MAPK8IP3: variants seen among roughly 807,000 people sequenced by gnomAD.
The protein encoded by MAPK8IP3 is mitogen-activated protein kinase 8 interacting protein 3, also known as C-Jun-amino-terminal kinase-interacting protein 3.
MAPK8IP3 carries 49 observed loss-of-function variants against 157.8 expected under a neutral mutation model. That is an observed-to-expected ratio of 0.31 (90% CI 0.25 to 0.39). The LOEUF is 0.39. MAPK8IP3 is among the 10% of genes least tolerant of loss of function. The pLI is 1.00. For synonymous variants in MAPK8IP3, 897 were observed against 777.7 expected (o/e 1.15, Z -2.55); for missense variants, 1,478 against 1,889.4 (o/e 0.78, Z 4.04).
intron 8 of MAPK8IP3, among the ~76,000 whole-genome samples, chr16:1,755,241 C>T (rs967291283): frequency 2.6e-5 from 4 of 152,156 alleles, no homozygotes; most frequent in Admixed American, 6.5e-5. Context: ...CCGTGGAAAA[C>T]GGGCAGATGA....
At position 1,729,572 on chromosome 16, in the gene MAPK8IP3, G is replaced by C; in HGVS notation, c.596G>C (p.Gly199Ala). 1 of 1,598,674 alleles carries C rather than the reference G, an allele frequency of 6.3e-7. No individual in the cohort carries two copies. Among genetic ancestry groups the C allele is most frequent in the Non-Finnish European group, 8.5e-7 (1 of 1,170,754 alleles). Residue 199 changes from glycine (G) to alanine (A), a missense_variant, in exon 4 of 32, where the codon GGG (glycine) becomes GCG (alanine). By Grantham distance (60) the Gly-to-Ala change is moderately conservative (BLOSUM62 0). This residue lies in a region of MAPK8IP3 where 315 missense variants were observed against 394.4 expected (regional missense o/e 0.80). Transcript: ENST00000610761. ...GNSQTESSLP[G>A]RSRKERPTSL... Reference sequence around the variant, plus strand: ...AGCCAGACCGAGAGCAGCCTGCCGGGGCGGAGGTACGCGGGGCGCGGCGGG... The same window carrying C: ...AGCCAGACCGAGAGCAGCCTGCCGGCGCGGAGGTACGCGGGGCGCGGCGGG...
intron 4 of MAPK8IP3, among the ~76,000 whole-genome samples, chr16:1,733,130 G>A (rs2039424753): frequency 6.6e-6 from 1 of 152,188 alleles, no homozygotes; most frequent in African/African-American, 2.4e-5. Context: ...GGCAGAGGCA[G>A]GCAGTTTGGC....
chr16:1,767,437 G>C, intron 26 of MAPK8IP3, 127 bp from the exon 27 acceptor site: 1 of 1,501,274 alleles, frequency 6.7e-7, no homozygotes, highest in Non-Finnish European at 9.1e-7. Context: ...GCTCGAACAG[G>C]CGCAAAGCAG....
At position 1,762,387 on chromosome 16, in the gene MAPK8IP3, C is replaced by T; in HGVS notation, c.1576C>T (p.Arg526Trp). The change falls in exon 14 of 32, where the codon CGG (arginine) becomes TGG (tryptophan). Residue 526 changes from arginine to tryptophan, a missense_variant. By Grantham distance (101) the Arg-to-Trp change is moderately radical. Coordinates refer to ENST00000610761, the MANE Select transcript of MAPK8IP3 (RefSeq NM_001318852.2). ...IPMAQRRRFT[R>W]VEMARVLMER... ...CATGGCCCAGCGCCGCCGCTTCACG[C>T]GGGTGGAGATGGCCCGTGTGCTCAT... 1.3e-6 allele frequency: 2 copies of T among 1,592,522 alleles called. No homozygotes were observed. Among genetic ancestry groups the T allele is most frequent in the South Asian group, 1.1e-5 (1 of 88,154 alleles).
In MAPK8IP3 at chr16:1,768,961, C is replaced by A; in HGVS notation, c.*137C>A. The A allele has an allele frequency of 9.7e-7, 1 of 1,030,412 alleles. No individual in the cohort carries two copies. Among genetic ancestry groups the A allele is most frequent in the South Asian group, 1.6e-5 (1 of 64,426 alleles). The allele number at this position is 1,030,412 out of a possible 1,614,324, so 63.8% of individuals were successfully genotyped here. A position where few individuals can be genotyped will look rare whatever the true frequency, so the allele number is the denominator to read the frequency against. On this transcript the variant is annotated 3_prime_UTR_variant, in exon 32 of 32. Coordinates refer to ENST00000610761, the MANE Select transcript of MAPK8IP3 (RefSeq NM_001318852.2). ...CCTGCAGCTTTCACCTGAGTCTGGC[C>A]CCTCCAGCGGGCAGGGAGTGCGGGG... is the stretch of plus-strand genomic sequence containing the variant.
At chr16:1,758,845 A>G in intron 9 of MAPK8IP3, 133 bp from the exon 10 acceptor site, 2 of 889,768 alleles carry the variant, frequency 2.2e-6, no homozygotes, top group Non-Finnish European at 3.7e-6. Context: ...ACCCACCCTA[A>G]CCCAGCAGAC....
intron 4 of MAPK8IP3, among the ~76,000 whole-genome samples, chr16:1,737,326 G>C (rs1487089941): frequency 9.4e-6 from 1 of 106,268 alleles, no homozygotes; most frequent in African/African-American, 4.3e-5. Context: ...CCGTCCGTGT[G>C]AGCATCCGTG....
Position 1,758,961 on chromosome 16 carries a change from C to T in MAPK8IP3, c.1229-17C>T, listed in dbSNP as rs756648374. 3.1e-6 allele frequency: 5 copies of T among 1,614,084 alleles called. No individual in the cohort carries two copies. The highest frequency in any genetic ancestry group is 1.7e-5 in the Admixed American group (1 of 60,016). The stretch of plus-strand genomic sequence containing the variant: ...CCCTGGTTGCCCATCTCCTGTGGGA[C>T]GGGGACGGCTCCCTAGTGCGCGATG... On this transcript the variant is annotated splice_polypyrimidine_tract_variant and intron_variant, in intron 9 of 31. Coordinates refer to ENST00000610761, the MANE Select transcript of MAPK8IP3 (RefSeq NM_001318852.2).
Position 1,768,293 on chromosome 16 carries a change from C to T in MAPK8IP3, c.3657C>T (p.Ser1219=). ...ACAGCAGTGACAGGGCGGCCAGCAG[C>T]TTCATCCCCTACTGCTCCATGGCCC... ...GDDSSDRAAS[S]FIPYCSMAQA... is the part of the protein sequence containing the mutation. Residue 1219 remains serine, a synonymous_variant, in exon 30 of 32, where the codon AGC becomes AGT. Coordinates refer to ENST00000610761, the MANE Select transcript of MAPK8IP3 (RefSeq NM_001318852.2). 6.2e-7 allele frequency: 1 copy of T among 1,610,868 alleles called. No individual in the cohort carries two copies. The highest frequency in any genetic ancestry group is 8.5e-7 in the Non-Finnish European group (1 of 1,179,986).
intron 1 of MAPK8IP3, among the ~76,000 whole-genome samples, chr16:1,720,556 C>T (rs1193532974): frequency 1.3e-5 from 2 of 152,204 alleles, no homozygotes; most frequent in African/African-American, 4.8e-5. Context: ...TACATCTGCT[C>T]TACACACACA....
chr16:1,750,637 AT>A (rs1567186953), intron 8 of MAPK8IP3, among the ~76,000 whole-genome samples: 1 of 149,848 alleles, frequency 6.7e-6, no homozygotes, highest in Non-Finnish European at 1.5e-5. Flanking sequence ...CCTCCCCACC[AT>A]GCTATAATGA....
intron 14 of MAPK8IP3, 48 bp downstream of exon 14, chr16:1,762,529 G>T: frequency 6.2e-7 from 1 of 1,605,868 alleles, no homozygotes; most frequent in Admixed American, 1.7e-5. Flanking sequence ...CATCCCTGAC[G>T]GCAGGACTGC....
intron 8 of MAPK8IP3, chr16:1,752,529 G>A (rs1051535375): frequency 1.4e-4 from 49 of 348,420 alleles, no homozygotes; most frequent in Non-Finnish European, 2.5e-4. Context: ...GATCACCTGC[G>A]CCTAGGAGTT....
intron 5 of MAPK8IP3, 199 bp from the exon 6 acceptor site, chr16:1,746,830 C>T: frequency 1.6e-6 from 1 of 624,536 alleles, no homozygotes; most frequent in South Asian, 2.2e-5. Context: ...GAGTCAGTGG[C>T]CGGATAAGCA....
intron 6 of MAPK8IP3, 51 bp from the exon 7 acceptor site, chr16:1,748,193 G>T: frequency 7.1e-7 from 1 of 1,410,754 alleles, no homozygotes; most frequent in Non-Finnish European, 1.0e-6. Context: ...GAGCAGGGCA[G>T]AGGCTGCCAG....
chr16:1,740,326 G>A (rs1385971421), intron 4 of MAPK8IP3, among the ~76,000 whole-genome samples: 1 of 148,878 alleles, frequency 6.7e-6, no homozygotes, highest in Non-Finnish European at 1.5e-5. Flanking sequence ...CCGTAACCGT[G>A]TAGGCGTCCT....
intron 1 of MAPK8IP3, among the ~76,000 whole-genome samples, chr16:1,712,124 C>CAATCTCGG (rs2037830626): frequency 7.4e-6 from 1 of 135,366 alleles, no homozygotes; most frequent in South Asian, 2.4e-4. Context: ...TACAGTGGCG[C>CAATCTCGG]AATCTCGGCT....
At chr16:1,736,174 G>T (rs1448739811) in intron 4 of MAPK8IP3, among the ~76,000 whole-genome samples, 4 of 134,566 alleles carry the variant, frequency 3.0e-5, no homozygotes, top group African/African-American at 1.1e-4. Context: ...GAGCGTCCGT[G>T]TGAGCGTGTG....
In MAPK8IP3 at chr16:1,724,711, G is replaced by T; in HGVS notation, c.439+34G>T. 1 of 1,603,320 alleles carries T rather than the reference G, an allele frequency of 6.2e-7. No individual in the cohort carries two copies. The highest frequency in any genetic ancestry group is 1.1e-5 in the South Asian group (1 of 90,874). On this transcript the variant is annotated intron_variant, in intron 2 of 31. Transcript: ENST00000610761. The surrounding 1 kb of genome is among the most constrained non-coding windows in gnomAD (Gnocchi z 4.1). Reference sequence around the variant, plus strand: ...CTGGCGGGAGCCTGGAGGCGCGCTTGATGGGCGCTGCTCTGGGACGGCTCT... The same window carrying T: ...CTGGCGGGAGCCTGGAGGCGCGCTTTATGGGCGCTGCTCTGGGACGGCTCT...
Sources: allele counts gnomAD v4.1 joint callset (sites outside exome capture counted in the v4.1 genomes callset), GRCh38; gene constraint gnomAD v4.1.1; regional missense constraint gnomAD v4.1.1; non-coding constraint Gnocchi (gnomAD v3.1); transcripts MANE v1.5; gene names NCBI Gene and HGNC (gene_info 2026-07-23, HGNC 2026-07-21).